Variants in BEST4 observed in about 807,000 individuals in gnomAD.
The protein encoded by BEST4 is bestrophin 4.
BEST4 carries 36 observed loss-of-function variants against 47.1 expected under a neutral mutation model. The observed-to-expected ratio is 0.76, with a 90% CI of 0.59 to 1.01. The LOEUF (loss-of-function observed/expected upper bound fraction) is 1.01, where lower values mean the gene tolerates loss of function less well. BEST4 is among the 50% of genes least tolerant of loss of function. The pLI is 0.00. For missense variants in BEST4, 550 were observed against 648.6 expected (o/e 0.85, Z 1.65); for synonymous variants, 250 against 277.8 (o/e 0.90, Z 1.00).
At chr1:44,788,375 C>T (rs185306622), upstream of BEST4, among the ~76,000 whole-genome samples, 111 of 152,306 alleles carry the variant, frequency 7.3e-4, no homozygotes, top group African/African-American at 2.0e-3. Context: ...CTCACACAGA[C>T]GACACCATGT....
chr1:44,784,502 G>GCCCCCC lies in BEST4; in HGVS notation c.1149-20_1149-19insGGGGGG. 2 of 399,786 alleles carry GCCCCCC rather than the reference G, an allele frequency of 5.0e-6. No individual in the cohort carries two copies. The highest frequency in any genetic ancestry group is 9.5e-6 in the Non-Finnish European group (2 of 210,190). 24.8% of individuals were successfully genotyped at this position (399,786 alleles called of 1,614,324 possible). On this transcript the variant is annotated intron_variant, in intron 8 of 8. Transcript: ENST00000372207. The surrounding 1 kb of genome is among the most constrained non-coding windows in gnomAD (Gnocchi z 6.2). ...GCTCATGCTGCGGGCGGGAGGGCGG[G>GCCCCCC]CTGAGCCGGGGCACAGGGCGGGAGC... is the stretch of plus-strand genomic sequence containing the variant.
Position 44,783,637 on chromosome 1 carries a change from A to G in BEST4, c.*573T>C, listed in dbSNP as rs955446594. On this transcript the variant is annotated 3_prime_UTR_variant, in exon 9 of 9. Transcript: ENST00000372207. ...ATGTAAACAAAAACTTTAACATTACAAACAAGGCAAAAGTCCCCCAGCACA... is the reference window on the plus strand; with the variant it reads ...ATGTAAACAAAAACTTTAACATTACGAACAAGGCAAAAGTCCCCCAGCACA... The G allele has an allele frequency of 2.6e-5, 4 of 152,354 alleles. No individual in the cohort carries two copies. Among genetic ancestry groups the G allele is most frequent in the African/African-American group, 4.8e-5 (2 of 41,456 alleles). The allele number at this position is 152,354 out of a possible 1,614,324, so 9.4% of individuals were successfully genotyped here.
upstream of BEST4, among the ~76,000 whole-genome samples, chr1:44,789,347 C>G (rs1573601628): frequency 7.0e-6 from 1 of 143,310 alleles, no homozygotes; most frequent in East Asian, 2.1e-4. Flanking sequence ...TTGCAGTGAG[C>G]TGAGATTGTG....
At position 44,784,664 on chromosome 1, in the gene BEST4, C is replaced by T. The variant is rs755503437; in HGVS notation, c.1113G>A (p.Leu371=). The change falls in exon 8 of 9, where the codon CTG becomes CTA. Residue 371 remains leucine (L), a synonymous_variant. Transcript: ENST00000372207. This position sits in a 1 kb window ranked among gnomAD's most constrained non-coding sequence, Gnocchi z 6.2. ...AGGTGGAGCCCAGGAATGAGGGCCG[C>T]AGAGACTCGGCCGCCGTGGCCACAG... ...PYTVATAAES[L]RPSFLGSTFN... 1 of 1,613,538 alleles carries T rather than the reference C, an allele frequency of 6.2e-7. No individual in the cohort carries two copies. Among genetic ancestry groups the T allele is most frequent in the Non-Finnish European group, 8.5e-7 (1 of 1,179,870 alleles).
chr1:44,782,780 GT>G (rs1445223507), downstream of BEST4, among the ~76,000 whole-genome samples: 14 of 152,172 alleles, frequency 9.2e-5, no homozygotes, highest in African/African-American at 3.1e-4. Context: ...GCACTCTAGT[GT>G]CCCCCCTCTG....
chr1:44,784,477 G>T lies in BEST4; in HGVS notation c.1155C>A (p.Ser385Arg). 3.2e-6 allele frequency: 4 copies of T among 1,267,432 alleles called. No individual in the cohort carries two copies. The highest frequency in any genetic ancestry group is 4.2e-6 in the Non-Finnish European group (4 of 949,904). 78.5% of individuals were successfully genotyped at this position (1,267,432 alleles called of 1,614,324 possible). The change falls in exon 9 of 9, where the codon AGC becomes AGA. Residue 385 changes from serine (S) to arginine (R), a missense_variant. By Grantham distance (110) the Ser-to-Arg change is moderately radical (BLOSUM62 -1). This residue lies in a region of BEST4 where 255 missense variants were observed against 286.6 expected (regional missense o/e 0.89). Transcript: ENST00000372207. The surrounding 1 kb of genome is among the most constrained non-coding windows in gnomAD (Gnocchi z 6.2). The stretch of plus-strand genomic sequence containing the variant: ...CCTGCAGGCTCTGCTCAGGGTCGTC[G>T]CTCATGCTGCGGGCGGGAGGGCGGG... The part of the protein sequence containing the change: ...FLGSTFNLRM[S>R]DDPEQSLQVE...
In BEST4 at chr1:44,786,232, AG is replaced by A; in HGVS notation, c.482-5del. 3.7e-6 allele frequency: 6 copies of A among 1,611,108 alleles called. No individual in the cohort carries two copies. Among genetic ancestry groups the A allele is most frequent in the South Asian group, 2.2e-5 (2 of 90,700 alleles). ...CTCTCTTCCTGGGACATGAAACCTG[AG>A]GGGGTAAAGCAGGTGGGGTGCAGTT... On this transcript the variant is annotated splice_region_variant and splice_polypyrimidine_tract_variant and intron_variant, in intron 3 of 8. Coordinates refer to ENST00000372207, the MANE Select transcript of BEST4 (RefSeq NM_153274.3). This position sits in a 1 kb window ranked among gnomAD's most constrained non-coding sequence, Gnocchi z 4.9.
intron 2 of BEST4, among the ~76,000 whole-genome samples, chr1:44,787,014 G>A (rs1397497065): frequency 1.3e-5 from 2 of 152,180 alleles, no homozygotes; most frequent in Admixed American, 1.3e-4. Context: ...CTTGTGCCTT[G>A]CTGGAAGTGA....
chr1:44,787,791 G>A lies in BEST4; in HGVS notation c.-86C>T. The stretch of plus-strand genomic sequence containing the variant: ...TCCAGACAACCTCCCTTCCACTCTG[G>A]TCTCACACACCCCAGCCTTCACCCT... On this transcript the variant is annotated 5_prime_UTR_variant, in exon 1 of 9. Coordinates refer to ENST00000372207, the MANE Select transcript of BEST4 (RefSeq NM_153274.3). 2 of 1,513,500 alleles carry A rather than the reference G, an allele frequency of 1.3e-6. No individual in the cohort carries two copies. Among genetic ancestry groups the A allele is most frequent in the Non-Finnish European group, 1.8e-6 (2 of 1,105,290 alleles). 93.8% of individuals were successfully genotyped at this position (1,513,500 alleles called of 1,614,324 possible). A position where few individuals can be genotyped will look rare whatever the true frequency, so the allele number is the denominator to read the frequency against.
At position 44,784,965 on chromosome 1, in the gene BEST4, G is replaced by T; in HGVS notation, c.933C>A (p.Asn311Lys). 1 of 1,614,132 alleles carries T rather than the reference G, an allele frequency of 6.2e-7. No individual in the cohort carries two copies. The highest frequency in any genetic ancestry group is 8.5e-7 in the Non-Finnish European group (1 of 1,180,040). Residue 311 changes from asparagine to lysine, a missense_variant, in exon 7 of 9, where the codon AAC becomes AAA. Around this residue, in one of 3 missense-constraint regions of BEST4, gnomAD observed 255 missense variants for 286.6 expected, o/e 0.89. Transcript: ENST00000372207. The surrounding 1 kb of genome is among the most constrained non-coding windows in gnomAD (Gnocchi z 6.2). ...AGTCGTCATCATCCTCACCAAATGG[G>T]TTGATGATCTGTTCAGCCACCTATA... ...GWLKVAEQIINPFGEDDDDFE... is the reference protein window; with the variant it reads ...GWLKVAEQIIKPFGEDDDDFE...
At chr1:44,791,758 C>T (rs975694949), upstream of BEST4, among the ~76,000 whole-genome samples, 15 of 152,076 alleles carry the variant, frequency 9.9e-5, no homozygotes, top group African/African-American at 3.4e-4. Flanking sequence ...TCCTCCAGCT[C>T]TCCTCTCCCT....
At chr1:44,792,490 C>T (rs573194798), upstream of BEST4, among the ~76,000 whole-genome samples, 8 of 151,442 alleles carry the variant, frequency 5.3e-5, no homozygotes, top group South Asian at 4.2e-4. Flanking sequence ...CACATGGAGT[C>T]GTTGCGCATA....
downstream of BEST4, among the ~76,000 whole-genome samples, chr1:44,782,957 CT>C (rs529146408): frequency 1.5e-3 from 214 of 145,698 alleles, no homozygotes; most frequent in Admixed American, 1.7e-3. Flanking sequence ...TTCCAGAAGA[CT>C]TTTTTTTTTT....
intron 2 of BEST4, 34 bp downstream of exon 2, chr1:44,787,338 G>A (rs1651280150): frequency 7.5e-6 from 12 of 1,607,442 alleles, no homozygotes; most frequent in Non-Finnish European, 1.0e-5. Flanking sequence ...AACACAGTAA[G>A]GGGGACACAG....
chr1:44,785,467 G>T, intron 5 of BEST4, 132 bp downstream of exon 5: 1 of 1,200,324 alleles, frequency 8.3e-7, no homozygotes, highest in Non-Finnish European at 1.2e-6. Flanking sequence ...GGTGGTGGGG[G>T]GCTTTTAGGA....
In BEST4 at chr1:44,784,896, C is replaced by G; in HGVS notation, c.993+9G>C. The stretch of plus-strand genomic sequence containing the variant: ...CTGCCCTGGACTCCTGATCCTGATG[C>G]TTGCTCACCTGCAAGTTGCGGTCTA... On this transcript the variant is annotated intron_variant, in intron 7 of 8. Transcript: ENST00000372207. This position sits in a 1 kb window ranked among gnomAD's most constrained non-coding sequence, Gnocchi z 6.2. 6.2e-7 allele frequency: 1 copy of G among 1,614,056 alleles called. No homozygotes were observed. The highest frequency in any genetic ancestry group is 1.6e-4 in the Middle Eastern group (1 of 6,062).
chr1:44,784,752 T>C lies in BEST4; in HGVS notation c.1025A>G (p.Gln342Arg). Reference sequence around the variant, plus strand: ...GTCCTTCTCAGCGGGGGGAAGGTTCTGGTACATTTCGTCCACGGATAGCAG... The same window carrying C: ...GTCCTTCTCAGCGGGGGGAAGGTTCCGGTACATTTCGTCCACGGATAGCAG... Reference protein sequence around the residue: ...VSLLSVDEMYQNLPPAEKDQY... With the variant: ...VSLLSVDEMYRNLPPAEKDQY... Residue 342 changes from glutamine to arginine, a missense_variant, in exon 8 of 9, where the codon CAG becomes CGG. Physicochemically the swap from Gln to Arg is conservative, Grantham distance 43. Coordinates refer to ENST00000372207, the MANE Select transcript of BEST4 (RefSeq NM_153274.3). This position sits in a 1 kb window ranked among gnomAD's most constrained non-coding sequence, Gnocchi z 6.2. 6.2e-7 allele frequency: 1 copy of C among 1,600,188 alleles called. No individual in the cohort carries two copies. The highest frequency in any genetic ancestry group is 8.5e-7 in the Non-Finnish European group (1 of 1,172,190).
chr1:44,781,899 C>T (rs1021818126), downstream of BEST4, among the ~76,000 whole-genome samples: 1 of 151,636 alleles, frequency 6.6e-6, no homozygotes. Flanking sequence ...TTGTGGCTTA[C>T]GCCTGTAATC....
At chr1:44,782,290 T>C (rs1436315841), downstream of BEST4, among the ~76,000 whole-genome samples, 4 of 149,956 alleles carry the variant, frequency 2.7e-5, no homozygotes, top group Non-Finnish European at 5.9e-5. Context: ...CATTGTGGGG[T>C]GCTACTGTCT....
Sources: allele counts gnomAD v4.1 joint callset (sites outside exome capture counted in the v4.1 genomes callset), GRCh38; gene constraint gnomAD v4.1.1; regional missense constraint gnomAD v4.1.1; non-coding constraint Gnocchi (gnomAD v3.1); transcripts MANE v1.5; gene names NCBI Gene and HGNC (gene_info 2026-07-23, HGNC 2026-07-21).